Variants in DHRSX observed in about 807,000 individuals in gnomAD.
The protein encoded by DHRSX is dehydrogenase/reductase X-linked.
A neutral mutation model predicts 34.0 loss-of-function variants in DHRSX; 31 were observed. The ratio of observed to expected loss-of-function variants is 0.91; its 90% CI spans 0.69 to 1.23. The LOEUF (loss-of-function observed/expected upper bound fraction) is 1.23. DHRSX is among the 50% of genes most tolerant of loss of function. The pLI is 0.00. For missense variants in DHRSX, 414 were observed against 428.1 expected (o/e 0.97, Z 0.29); for synonymous variants, 201 against 183.8 (o/e 1.09, Z -0.76).
At position 2,432,616 on chromosome X, in the gene DHRSX, G is replaced by A. The variant is rs779151043; in HGVS notation, c.110-7312C>T. ...CAAAAGATGGGCGTTTTAATAAACCGTGTTGGGGCACGTGAAGCCACATTA... is the reference window on the plus strand; with the variant it reads ...CAAAAGATGGGCGTTTTAATAAACCATGTTGGGGCACGTGAAGCCACATTA... On this transcript the variant is annotated intron_variant, in intron 1 of 6. Coordinates refer to ENST00000334651, the MANE Select transcript of DHRSX (RefSeq NM_145177.3). Among the ~76,000 whole-genome samples, 21 of 152,268 alleles carry A rather than the reference G, an allele frequency of 1.4e-4. No individual in the cohort carries two copies. In the South Asian group the frequency reaches 2.1e-3, roughly 15 times the overall value.
intron 6 of DHRSX, among the ~76,000 whole-genome samples, chrX:2,231,819 CT>C (rs1176190440): frequency 4.5e-5 from 6 of 134,226 alleles, no homozygotes; most frequent in South Asian, 2.5e-4. Context: ...CTCCCTTCCT[CT>C]TCCTTTCTTT....
chrX:2,264,816 T>C (rs867521754), intron 5 of DHRSX, among the ~76,000 whole-genome samples: 1 of 90,230 alleles, frequency 1.1e-5, no homozygotes, highest in Non-Finnish European at 2.2e-5. Context: ...AGCACAATGC[T>C]CAGGAGATGC....
chrX:2,303,908 G>GATAA (rs2042054273), intron 3 of DHRSX, among the ~76,000 whole-genome samples: 1 of 132,422 alleles, frequency 7.6e-6, no homozygotes, highest in African/African-American at 3.1e-5. Flanking sequence ...TAAATGGATG[G>GATAA]ATGGATGGAT....
intron 3 of DHRSX, among the ~76,000 whole-genome samples, chrX:2,315,933 C>G (rs1196836824): frequency 1.8e-4 from 27 of 152,122 alleles, no homozygotes; most frequent in African/African-American, 5.5e-4. Flanking sequence ...GCGATCTCAG[C>G]TCACTGCAAC....
chrX:2,251,817 C>A (rs2016440125), intron 5 of DHRSX, among the ~76,000 whole-genome samples: 1 of 151,890 alleles, frequency 6.6e-6, no homozygotes. Flanking sequence ...AAGGGCAGGA[C>A]AGAAAGGGTG....
chrX:2,369,055 T>C (rs1390161564), intron 3 of DHRSX, among the ~76,000 whole-genome samples: 2 of 152,208 alleles, frequency 1.3e-5, no homozygotes, highest in African/African-American at 2.4e-5. Context: ...GGGTGTCTCA[T>C]TTCTACCCTA....
intron 3 of DHRSX, among the ~76,000 whole-genome samples, chrX:2,341,527 A>T (rs952720459): frequency 2.0e-5 from 3 of 152,026 alleles, no homozygotes; most frequent in African/African-American, 2.4e-5. Flanking sequence ...TTACAAGGAC[A>T]CCTGTCATTA....
At chrX:2,412,067 G>A (rs1418385763) in intron 2 of DHRSX, among the ~76,000 whole-genome samples, 14 of 152,216 alleles carry the variant, frequency 9.2e-5, no homozygotes, top group Non-Finnish European at 1.5e-5. Flanking sequence ...GGAACTGGAC[G>A]TGGGACATTT....
chrX:2,274,486 G>A (rs1165769460), intron 4 of DHRSX, among the ~76,000 whole-genome samples: 5 of 151,496 alleles, frequency 3.3e-5, no homozygotes, highest in East Asian at 1.9e-4. Flanking sequence ...GGTTGAACTC[G>A]GCTCACTGCA....
chrX:2,459,380 T>C (rs1401222092), intron 1 of DHRSX, among the ~76,000 whole-genome samples: 3 of 151,812 alleles, frequency 2.0e-5, no homozygotes, highest in Admixed American at 1.3e-4. Flanking sequence ...TGATTGTTAA[T>C]ATGTTAATTA....
At chrX:2,238,965 A>AATT (rs2016080036) in intron 6 of DHRSX, among the ~76,000 whole-genome samples, 1 of 152,044 alleles carries the variant, frequency 6.6e-6, no homozygotes, top group Non-Finnish European at 1.5e-5. Context: ...AGCAATACAG[A>AATT]ATTATCATTA....
In DHRSX at chrX:2,221,155, G is replaced by C. The variant is rs746095860; in HGVS notation, c.879C>G (p.Tyr293Ter). Residue 293 changes from tyrosine to a stop codon, truncating the protein, a stop_gained, in exon 7 of 7, where the codon TAC (tyrosine) becomes TAG (stop). Coordinates refer to ENST00000334651, the MANE Select transcript of DHRSX (RefSeq NM_145177.3). LOFTEE classifies it high-confidence loss of function. ...ACTTGGTCTCTTTCTCGTTGTATAG[G>C]TAATGGCCACCAACTCCTTCCAGCT... ...TPELEGVGGH[Y>*]LYNEKETKSL... 43 of 1,613,740 alleles carry C rather than the reference G, an allele frequency of 2.7e-5. No individual in the cohort carries two copies. Among genetic ancestry groups the C allele is most frequent in the Non-Finnish European group, 3.5e-5 (41 of 1,179,840 alleles).
intron 4 of DHRSX, among the ~76,000 whole-genome samples, chrX:2,275,272 C>T (rs1313407174): frequency 4.7e-5 from 7 of 149,232 alleles, no homozygotes; most frequent in Middle Eastern, 3.5e-3. Flanking sequence ...CCGAGGCAGG[C>T]GGATGACCTG....
chrX:2,413,616 G>A (rs745517796), intron 2 of DHRSX, among the ~76,000 whole-genome samples: 19 of 152,112 alleles, frequency 1.2e-4, no homozygotes, highest in Non-Finnish European at 2.1e-4. Context: ...TATTTTACAC[G>A]TTTCACATGT....
chrX:2,220,713 G>C lies in DHRSX; in HGVS notation c.*328C>G, dbSNP rs141664600. The C allele has an allele frequency of 0.013, 4,121 of 309,558 alleles. 51 individuals carry two copies. The highest frequency in any genetic ancestry group is 0.04 in the Middle Eastern group (41 of 1,034). 19.2% of individuals were successfully genotyped at this position (309,558 alleles called of 1,614,324 possible). On this transcript the variant is annotated 3_prime_UTR_variant, in exon 7 of 7. Transcript: ENST00000334651. ...CCCCTGAAAAGAGAGCATCTCTCTT[G>C]GAACTTTTGTACTCAGTTGTATTAA...
chrX:2,490,504 G>T (rs151076245), intron 1 of DHRSX: 1 of 1,613,838 alleles, frequency 6.2e-7, no homozygotes, highest in Non-Finnish European at 8.5e-7. Flanking sequence ...AGAATTCCTC[G>T]GGGTGGTTCT....
chrX:2,489,963 C>T, intron 1 of DHRSX: 1 of 1,613,940 alleles, frequency 6.2e-7, no homozygotes, highest in African/African-American at 1.3e-5. Context: ...ATGAAGACCT[C>T]ATAGAGCACT....
rs67508078 is a variant in DHRSX, at chrX:2,220,219, C to G, written c.*822G>C. Reference sequence around the variant, plus strand: ...TCCAGTCTCTGTCTGCATCATCACACGAATATCTTGTCTTCTGTACTCAAA... The same window carrying G: ...TCCAGTCTCTGTCTGCATCATCACAGGAATATCTTGTCTTCTGTACTCAAA... On this transcript the variant is annotated 3_prime_UTR_variant, in exon 7 of 7. Transcript: ENST00000334651. The G allele has an allele frequency of 1.3e-5, 2 of 152,020 alleles. No homozygotes were observed. Among genetic ancestry groups the G allele is most frequent in the Non-Finnish European group, 2.9e-5 (2 of 68,048 alleles). The allele number at this position is 152,020 out of a possible 1,614,324, so 9.4% of individuals were successfully genotyped here. A position where few individuals can be genotyped will look rare whatever the true frequency, so the allele number is the denominator to read the frequency against.
rs1260330573 is a variant in DHRSX, at chrX:2,219,524, CA to C, written c.*1516del. 3 of 151,962 alleles carry C rather than the reference CA, an allele frequency of 2.0e-5. No individual in the cohort carries two copies. The highest frequency in any genetic ancestry group is 2.9e-5 in the Non-Finnish European group (2 of 67,982). 9.4% of individuals were successfully genotyped at this position (151,962 alleles called of 1,614,324 possible). A position where few individuals can be genotyped will look rare whatever the true frequency, so the allele number is the denominator to read the frequency against. On this transcript the variant is annotated 3_prime_UTR_variant, in exon 7 of 7. Transcript: ENST00000334651. ...TGAATGATTTTTTTTTTAAAGAGGC[CA>C]AACAATACATTTATTATTTTCATTT...
Sources: allele counts gnomAD v4.1 joint callset (sites outside exome capture counted in the v4.1 genomes callset), GRCh38; gene constraint gnomAD v4.1.1; transcripts MANE v1.5; gene names NCBI Gene and HGNC (gene_info 2026-07-23, HGNC 2026-07-21).